The following ZDHHC17 variants were observed in gnomAD, a reference collection of about 807,000 sequenced individuals.
The protein encoded by ZDHHC17 is zDHHC palmitoyltransferase 17.
Under a neutral mutation model 90.3 loss-of-function variants are expected in ZDHHC17, and 40 were observed. The ratio of observed to expected loss-of-function variants is 0.44; its 90% CI spans 0.34 to 0.58. The LOEUF (loss-of-function observed/expected upper bound fraction) is 0.58, where lower values mean the gene tolerates loss of function less well. Among genes scored for constraint, ZDHHC17 ranks in the 20% least tolerant of loss-of-function variants. The pLI, the probability that ZDHHC17 is intolerant of heterozygous loss-of-function variation, is 0.01. For missense variants in ZDHHC17, 614 were observed against 780.8 expected (o/e 0.79, Z 2.55); for synonymous variants, 235 against 252.4 (o/e 0.93, Z 0.65).
intron 7 of ZDHHC17, among the ~76,000 whole-genome samples, chr12:76,817,940 T>C (rs1365001129): frequency 6.6e-6 from 1 of 152,292 alleles, no homozygotes; most frequent in Middle Eastern, 3.4e-3. Flanking sequence ...GCGAATACTT[T>C]CCAGAGTCTA....
At chr12:76,840,089 C>T (rs977736032) in intron 10 of ZDHHC17, 1 of 152,066 alleles carries the variant, frequency 6.6e-6, no homozygotes, top group African/African-American at 2.4e-5. Context: ...CAGGATTTAT[C>T]ATAGGGTTCT....
At chr12:76,801,648 T>C (rs1375189219) in intron 2 of ZDHHC17, among the ~76,000 whole-genome samples, 3 of 151,958 alleles carry the variant, frequency 2.0e-5, no homozygotes, top group African/African-American at 4.8e-5. Flanking sequence ...AGCAAGACTC[T>C]GTCTCAAAAA....
intron 2 of ZDHHC17, among the ~76,000 whole-genome samples, chr12:76,803,681 A>G (rs143442480): frequency 0.011 from 1,683 of 152,312 alleles, 11 homozygotes; most frequent in Non-Finnish European, 0.017. Context: ...CACCAAAACC[A>G]GAGAGATTTG....
intron 5 of ZDHHC17, among the ~76,000 whole-genome samples, chr12:76,810,991 A>G (rs1169991481): frequency 6.6e-6 from 1 of 152,170 alleles, no homozygotes; most frequent in Non-Finnish European, 1.5e-5. Flanking sequence ...ACTTTTCAAT[A>G]CCAGTCCATG....
intron 10 of ZDHHC17, among the ~76,000 whole-genome samples, chr12:76,832,936 G>A (rs1953322094): frequency 6.6e-6 from 1 of 152,004 alleles, no homozygotes; most frequent in Non-Finnish European, 1.5e-5. Context: ...TGAATTCATG[G>A]CACTTTTTCA....
At chr12:76,832,809 A>T (rs1953320111) in intron 10 of ZDHHC17, among the ~76,000 whole-genome samples, 1 of 152,232 alleles carries the variant, frequency 6.6e-6, no homozygotes, top group Non-Finnish European at 1.5e-5. Context: ...GACCATGTAA[A>T]GGACACTTGT....
chr12:76,782,300 G>A (rs1952635899), intron 1 of ZDHHC17, among the ~76,000 whole-genome samples: 1 of 152,214 alleles, frequency 6.6e-6, no homozygotes, highest in Admixed American at 6.5e-5. Flanking sequence ...TCCCTGGAAT[G>A]TTACCTGAGT....
chr12:76,833,661 G>A (rs530949275), intron 10 of ZDHHC17, among the ~76,000 whole-genome samples: 24 of 152,154 alleles, frequency 1.6e-4, no homozygotes, highest in Non-Finnish European at 2.9e-4. Context: ...GCATGGTGGC[G>A]GGTGCCTGTA....
rs556941407 is a variant in ZDHHC17 at position 76,808,948 on chromosome 12, T to C, written c.321-95T>C. On this transcript the variant is annotated intron_variant, in intron 3 of 16. Coordinates refer to ENST00000426126, the MANE Select transcript of ZDHHC17 (RefSeq NM_015336.4). ...TTCAAAGGTTCAAACTAGCATGAGATCTGAAATAGAAAACATGTATTTACA... is the reference window on the plus strand; with the variant it reads ...TTCAAAGGTTCAAACTAGCATGAGACCTGAAATAGAAAACATGTATTTACA... 9 of 692,174 alleles carry C rather than the reference T, an allele frequency of 1.3e-5. No individual in the cohort carries two copies. The African/African-American group carries it at 1.7e-4, about 13-fold the overall frequency. 42.9% of individuals were successfully genotyped at this position (692,174 alleles called of 1,614,324 possible).
chr12:76,827,497 G>A (rs1042008676), intron 9 of ZDHHC17, among the ~76,000 whole-genome samples: 10 of 152,110 alleles, frequency 6.6e-5, no homozygotes, highest in African/African-American at 2.2e-4. Flanking sequence ...AGTCGGCTGA[G>A]TTTTTAAGAT....
At chr12:76,798,894 AC>A (rs1189891351) in intron 2 of ZDHHC17, among the ~76,000 whole-genome samples, 2 of 151,924 alleles carry the variant, frequency 1.3e-5, no homozygotes, top group Non-Finnish European at 2.9e-5. Flanking sequence ...TTAAGGATCC[AC>A]CCCCTTGATC....
chr12:76,822,302 C>T (rs971320448), intron 7 of ZDHHC17, 104 bp from the exon 8 acceptor site: 32 of 1,439,770 alleles, frequency 2.2e-5, no homozygotes, highest in Middle Eastern at 2.0e-4. Flanking sequence ...GTCAAAACAA[C>T]GTTAATAGGG....
At chr12:76,815,339 A>G (rs1953073118) in intron 6 of ZDHHC17, 129 bp downstream of exon 6, 3 of 458,742 alleles carry the variant, frequency 6.5e-6, no homozygotes, top group Non-Finnish European at 3.6e-6. Context: ...TATAGTATAT[A>G]TAAATTACCA....
chr12:76,805,243 C>T, intron 2 of ZDHHC17, 74 bp from the exon 3 acceptor site: 1 of 1,302,910 alleles, frequency 7.7e-7, no homozygotes, highest in Non-Finnish European at 1.1e-6. Flanking sequence ...GAATTATTTT[C>T]ATCTCAAAAT....
At chr12:76,793,612 C>T (rs1952785740) in intron 1 of ZDHHC17, among the ~76,000 whole-genome samples, 2 of 152,120 alleles carry the variant, frequency 1.3e-5, no homozygotes, top group Non-Finnish European at 2.9e-5. Context: ...CTTATTTTAT[C>T]CAAATCCCGT....
chr12:76,776,813 A>G (rs1447879971), intron 1 of ZDHHC17, among the ~76,000 whole-genome samples: 3 of 152,236 alleles, frequency 2.0e-5, no homozygotes, highest in Admixed American at 6.5e-5. Context: ...TCAATTGGAC[A>G]GCTTTGTTCT....
At chr12:76,800,650 TAGTG>T (rs1952874984) in intron 2 of ZDHHC17, among the ~76,000 whole-genome samples, 3 of 152,192 alleles carry the variant, frequency 2.0e-5, no homozygotes, top group Non-Finnish European at 4.4e-5. Flanking sequence ...TGTCTGATAT[TAGTG>T]TAGCCACTCT....
intron 1 of ZDHHC17, among the ~76,000 whole-genome samples, chr12:76,797,195 A>G (rs1952829980): frequency 6.6e-6 from 1 of 152,090 alleles, no homozygotes; most frequent in South Asian, 2.1e-4. Context: ...CCTGGGAGGC[A>G]GAGGTTGTAG....
chr12:76,827,090 G>T, intron 9 of ZDHHC17, 40 bp downstream of exon 9: 1 of 1,511,922 alleles, frequency 6.6e-7, no homozygotes, highest in South Asian at 1.4e-5. Flanking sequence ...AACTGTACAT[G>T]AAATAATATA....
Sources: gnomAD v4.1 joint callset for allele counts (sites outside exome capture counted in the v4.1 genomes callset) on GRCh38, gnomAD v4.1.1 for gene constraint, MANE v1.5 for transcripts, NCBI Gene and HGNC (gene_info 2026-07-23, HGNC 2026-07-21) for gene names.